SLC26A11: variants seen among roughly 807,000 people sequenced by gnomAD.
The protein encoded by SLC26A11 is sodium-independent sulfate anion transporter.
Under a neutral mutation model 62.2 loss-of-function variants are expected in SLC26A11, and 58 were observed. That is an observed-to-expected ratio of 0.93 (90% CI 0.76 to 1.16). The LOEUF is 1.16. Ranked by LOEUF, SLC26A11 falls within the 50% of genes most tolerant of loss-of-function variation. The pLI is 0.00. For synonymous variants in SLC26A11, 411 were observed against 368.9 expected (o/e 1.11, Z -1.31); for missense variants, 790 against 794.3 (o/e 0.99, Z 0.06).
At position 80,221,585 on chromosome 17, in the gene SLC26A11, G is replaced by T; in HGVS notation, c.25G>T (p.Gly9Cys). ...GATGCCTTCTTCGGTGACGGCGCTG[G>T]GTCAGGCCAGGTCCTCTGGCCCCGG... is the stretch of plus-strand genomic sequence containing the variant. MPSSVTAL[G>C]QARSSGPGMA... is the part of the protein sequence containing the mutation. Residue 9 changes from glycine to cysteine, a missense_variant, in exon 3 of 18, where the codon GGT becomes TGT. Gly to Cys is a radical substitution (Grantham distance 159). Transcript: ENST00000361193. The T allele has an allele frequency of 6.2e-7, 1 of 1,602,878 alleles. No individual in the cohort carries two copies. Among genetic ancestry groups the T allele is most frequent in the Non-Finnish European group, 8.5e-7 (1 of 1,178,588 alleles).
At chr17:80,248,739 T>C in intron 15 of SLC26A11, 65 bp downstream of exon 15, 3 of 1,450,940 alleles carry the variant, frequency 2.1e-6, no homozygotes, top group Non-Finnish European at 2.8e-6. Context: ...CACTCCCTGC[T>C]GTTCAGGACC....
intron 8 of SLC26A11, 152 bp from the exon 9 acceptor site, chr17:80,237,369 TG>T: frequency 1.3e-6 from 1 of 790,676 alleles, no homozygotes; most frequent in Non-Finnish European, 2.0e-6. Flanking sequence ...TCCCAGCACC[TG>T]GCGCCTCTTC....
chr17:80,234,224 C>G (rs560729068), intron 7 of SLC26A11, among the ~76,000 whole-genome samples: 2 of 152,114 alleles, frequency 1.3e-5, no homozygotes, highest in Admixed American at 6.6e-5. Context: ...AGGCTGCTTT[C>G]GAACTCCTGA....
At chr17:80,237,678 G>A (rs1174642626) in intron 9 of SLC26A11, 84 bp downstream of exon 9, 3 of 1,315,864 alleles carry the variant, frequency 2.3e-6, no homozygotes, top group Admixed American at 2.2e-5. Flanking sequence ...GCCTTTATCC[G>A]TTACTAGTTT....
At chr17:80,245,314 G>A in intron 11 of SLC26A11, 58 bp downstream of exon 11, 10 of 1,566,240 alleles carry the variant, frequency 6.4e-6, no homozygotes, top group South Asian at 1.1e-5. Flanking sequence ...ACGTTGTTAC[G>A]CTGACAAGGA....
chr17:80,246,763 G>A lies in SLC26A11; in HGVS notation c.1294+114G>A, dbSNP rs2144972269. On this transcript the variant is annotated intron_variant, in intron 13 of 17. Coordinates refer to ENST00000361193, the MANE Select transcript of SLC26A11 (RefSeq NM_001166347.2). This position sits in a 1 kb window ranked among gnomAD's most constrained non-coding sequence, Gnocchi z 4.4. ...CCCTCTGTGGGGCTGGGACTGGGAA[G>A]TTAGGGCAGTCCCGGAACAGAGAAG... 7.3e-7 allele frequency: 1 copy of A among 1,371,948 alleles called. No homozygotes were observed. Among genetic ancestry groups the A allele is most frequent in the Non-Finnish European group, 9.9e-7 (1 of 1,011,752 alleles). 85.0% of individuals were successfully genotyped at this position (1,371,948 alleles called of 1,614,324 possible).
At chr17:80,234,478 G>T (rs956211861) in intron 7 of SLC26A11, among the ~76,000 whole-genome samples, 26 of 143,324 alleles carry the variant, frequency 1.8e-4, no homozygotes, top group Non-Finnish European at 2.3e-4. Context: ...TTTTTTGTTT[G>T]TTTGTTTTTT....
chr17:80,227,777 G>A (rs1295678340), intron 6 of SLC26A11, 41 bp from the exon 7 acceptor site: 2 of 1,594,678 alleles, frequency 1.3e-6, no homozygotes. Flanking sequence ...CAGTAGGCCT[G>A]GGCCGAGCTG....
Position 80,246,132 on chromosome 17 carries a change from CGGTCTCTGTGTT to C in SLC26A11, c.1098-20_1098-9del. The C allele has an allele frequency of 3.7e-6, 6 of 1,613,072 alleles. No individual in the cohort carries two copies. The South Asian group carries it at 6.6e-5, about 18-fold the overall frequency. Reference sequence around the variant, plus strand: ...CCTTTTCCCGGCCCCTGGTGACTGACGGTCTCTGTGTTGCCTTCCAGGACAGCCGTGAACGCT... The same window carrying C: ...CCTTTTCCCGGCCCCTGGTGACTGACGCCTTCCAGGACAGCCGTGAACGCT... On this transcript the variant is annotated splice_polypyrimidine_tract_variant and intron_variant, in intron 11 of 17. Transcript: ENST00000361193. This position sits in a 1 kb window ranked among gnomAD's most constrained non-coding sequence, Gnocchi z 4.4.
In SLC26A11 at chr17:80,248,166, T is replaced by C. The variant is rs766154017; in HGVS notation, c.1331T>C (p.Leu444Pro). 1.2e-6 allele frequency: 2 copies of C among 1,607,158 alleles called. No individual in the cohort carries two copies. Among genetic ancestry groups the C allele is most frequent in the Non-Finnish European group, 1.7e-6 (2 of 1,179,846 alleles). The change falls in exon 14 of 18, where the codon CTG (leucine) becomes CCG (proline). Residue 444 changes from leucine (L) to proline (P), a missense_variant. Physicochemically the swap from Leu to Pro is moderately conservative, Grantham distance 98. Transcript: ENST00000361193. ...DLLPLCVTFL[L>P]CFWEVQYGIL... ...CTGCCCCTGTGCGTGACCTTCCTGCTGTGCTTCTGGGAGGTGCAGTACGGC... is the reference window on the plus strand; with the variant it reads ...CTGCCCCTGTGCGTGACCTTCCTGCCGTGCTTCTGGGAGGTGCAGTACGGC...
Position 80,241,764 on chromosome 17 carries a change from C to T in SLC26A11, c.986-7C>T. ...CTGACCAGGTCTTTACCGTTGGTTC[C>T]CTTTAGCATCTCAGAATAATTACCG... is the stretch of plus-strand genomic sequence containing the variant. On this transcript the variant is annotated splice_polypyrimidine_tract_variant and splice_region_variant and intron_variant, in intron 9 of 17. Coordinates refer to ENST00000361193, the MANE Select transcript of SLC26A11 (RefSeq NM_001166347.2). The T allele has an allele frequency of 1.2e-6, 2 of 1,614,168 alleles. No individual in the cohort carries two copies. The highest frequency in any genetic ancestry group is 1.7e-6 in the Non-Finnish European group (2 of 1,180,004).
intron 7 of SLC26A11, among the ~76,000 whole-genome samples, chr17:80,234,650 C>T (rs530110581): frequency 4.2e-4 from 64 of 152,286 alleles, no homozygotes; most frequent in Non-Finnish European, 7.8e-4. Context: ...GTCTGTATTT[C>T]AGGCACCTCG....
Position 80,241,789 on chromosome 17 carries a change from G to A in SLC26A11, c.1004G>A (p.Arg335His), listed in dbSNP as rs202012964. Residue 335 changes from arginine (R) to histidine (H), a missense_variant, in exon 10 of 18, where the codon CGC becomes CAC. Physicochemically the swap from Arg to His is conservative, Grantham distance 29. Coordinates refer to ENST00000361193, the MANE Select transcript of SLC26A11 (RefSeq NM_001166347.2). ...AKAFASQNNY[R>H]IDANQELLAI... ...CCTTTAGCATCTCAGAATAATTACC[G>A]CATCGATGCCAACCAGGAGCTGCTG... The A allele has an allele frequency of 2.3e-5, 37 of 1,614,082 alleles. No homozygotes were observed. The highest frequency in any genetic ancestry group is 6.7e-5 in the East Asian group (3 of 44,884).
Position 80,246,503 on chromosome 17 carries a change from C to A in SLC26A11, c.1154-6C>A. On this transcript the variant is annotated splice_region_variant and splice_polypyrimidine_tract_variant and intron_variant, in intron 12 of 17. Coordinates refer to ENST00000361193, the MANE Select transcript of SLC26A11 (RefSeq NM_001166347.2). The surrounding 1 kb of genome is among the most constrained non-coding windows in gnomAD (Gnocchi z 4.4). ...CCGAGGTCACCTGTGTTCCCGTGCC[C>A]CGCAGGAGTGCTGGTGCTGCTGTCT... 6.2e-7 allele frequency: 1 copy of A among 1,610,030 alleles called. No individual in the cohort carries two copies. The highest frequency in any genetic ancestry group is 8.5e-7 in the Non-Finnish European group (1 of 1,179,974).
rs577552272 is a variant in SLC26A11, at chr17:80,227,913, C to T, written c.689C>T (p.Pro230Leu). 1.2e-6 allele frequency: 2 copies of T among 1,601,382 alleles called. No homozygotes were observed. Among genetic ancestry groups the T allele is most frequent in the African/African-American group, 2.7e-5 (2 of 74,980 alleles). ...GTGCCTCCCGTCCACCCCGAGATGC[C>T]CCCTGGTGTGCGGCTCAGCCGTGGG... ...DHVPPVHPEM[P>L]PGVRLSRGLV... The change falls in exon 7 of 18, where the codon CCC (proline) becomes CTC (leucine). Residue 230 changes from proline to leucine, a missense_variant. Transcript: ENST00000361193.
At chr17:80,248,034 A>C (rs2043053826) in intron 13 of SLC26A11, 96 bp from the exon 14 acceptor site, 3 of 1,419,656 alleles carry the variant, frequency 2.1e-6, no homozygotes, top group African/African-American at 1.4e-5. Context: ...ACCTTTACTC[A>C]TATGTGGGGG....
At position 80,225,147 on chromosome 17, in the gene SLC26A11, G is replaced by A. The variant is rs1053315010; in HGVS notation, c.514-690G>A. Among the ~76,000 whole-genome samples the A allele has an allele frequency of 3.3e-5, 5 of 151,958 alleles. No individual in the cohort carries two copies. The South Asian group carries it at 1.0e-3, about 32-fold the overall frequency. ...GCCCAGGAGTTCGAATCCAGCCTGG[G>A]CCACAGAGCAAGCAAGACCCCCACC... is the stretch of plus-strand genomic sequence containing the variant. On this transcript the variant is annotated intron_variant, in intron 5 of 17. Transcript: ENST00000361193.
Position 80,223,149 on chromosome 17 carries a change from C to T in SLC26A11, c.428-103C>T, listed in dbSNP as rs561176846. 1.8e-6 allele frequency: 2 copies of T among 1,098,992 alleles called. No individual in the cohort carries two copies. The highest frequency in any genetic ancestry group is 2.6e-5 in the South Asian group (2 of 76,416). The allele number at this position is 1,098,992 out of a possible 1,614,324, so 68.1% of individuals were successfully genotyped here. On this transcript the variant is annotated intron_variant, in intron 4 of 17. Transcript: ENST00000361193. The surrounding 1 kb of genome is among the most constrained non-coding windows in gnomAD (Gnocchi z 4.6). Reference sequence around the variant, plus strand: ...CCAGTCCTTAGCTGCGGTATCTGCTCCCCAATCCCACCCATTGCCACCTTC... The same window carrying T: ...CCAGTCCTTAGCTGCGGTATCTGCTTCCCAATCCCACCCATTGCCACCTTC...
chr17:80,228,274 A>G lies in SLC26A11; in HGVS notation c.736+314A>G, dbSNP rs2042467625. Among the ~76,000 whole-genome samples, 1 of 152,170 alleles carries G rather than the reference A, an allele frequency of 6.6e-6. No individual in the cohort carries two copies. The highest frequency in any genetic ancestry group is 2.1e-4 in the South Asian group (1 of 4,828). ...CAGCCTCCTGAGTAGCTGGGATTAC[A>G]GGCGCATGCCACCACGCTCGACTGA... On this transcript the variant is annotated intron_variant, in intron 7 of 17. Transcript: ENST00000361193. The surrounding 1 kb of genome is among the most constrained non-coding windows in gnomAD (Gnocchi z 4.1).
Sources: allele counts gnomAD v4.1 joint callset (sites outside exome capture counted in the v4.1 genomes callset), GRCh38; gene constraint gnomAD v4.1.1; non-coding constraint Gnocchi (gnomAD v3.1); transcripts MANE v1.5; gene names NCBI Gene and HGNC (gene_info 2026-07-23, HGNC 2026-07-21).